Variants in RNF169 observed in about 807,000 individuals in gnomAD.
RNF169 encodes the protein E3 ubiquitin-protein ligase RNF169.
RNF169 carries 24 observed loss-of-function variants against 53.9 expected under a neutral mutation model. That is an observed-to-expected ratio of 0.45 (90% CI 0.32 to 0.63). The LOEUF (loss-of-function observed/expected upper bound fraction) is 0.63. Ranked by LOEUF, RNF169 falls within the 20% of genes least tolerant of loss-of-function variation. The probability of loss-of-function intolerance (pLI) is 0.04; values close to 1 mark genes in which losing one functional copy is unlikely to be tolerated. For missense variants in RNF169, 883 were observed against 906.2 expected (o/e 0.97, Z 0.33); for synonymous variants, 396 against 363.5 (o/e 1.09, Z -1.02).
intron 1 of RNF169, among the ~76,000 whole-genome samples, chr11:74,751,969 C>T (rs1371541212): frequency 6.6e-6 from 1 of 152,054 alleles, no homozygotes; most frequent in Non-Finnish European, 1.5e-5. Context: ...CGCGGTGGCT[C>T]ACCCCTGTAA....
At chr11:74,829,809 A>G (rs184336103) in intron 4 of RNF169, among the ~76,000 whole-genome samples, 113 of 152,224 alleles carry the variant, frequency 7.4e-4, no homozygotes, top group Non-Finnish European at 1.3e-3. Flanking sequence ...ACTCATGGAC[A>G]CATGTGGGGA....
At chr11:74,835,171 G>A (rs2036234781) in intron 5 of RNF169, among the ~76,000 whole-genome samples, 1 of 152,104 alleles carries the variant, frequency 6.6e-6, no homozygotes, top group Non-Finnish European at 1.5e-5. Flanking sequence ...TTTTTGTAGA[G>A]ATGGGATCTT....
At chr11:74,801,433 G>A (rs1029609587) in intron 2 of RNF169, among the ~76,000 whole-genome samples, 1 of 152,134 alleles carries the variant, frequency 6.6e-6, no homozygotes, top group Non-Finnish European at 1.5e-5. Flanking sequence ...AGCATCAATT[G>A]CTCTAGATAC....
intron 1 of RNF169, 125 bp downstream of exon 1, chr11:74,749,507 G>T (rs1368087643): frequency 2.6e-4 from 212 of 818,446 alleles, no homozygotes; most frequent in Non-Finnish European, 3.1e-4. Flanking sequence ...CGTGGGATTA[G>T]AACCCGGGCT....
intron 2 of RNF169, among the ~76,000 whole-genome samples, chr11:74,790,089 T>C (rs1036427918): frequency 3.9e-5 from 6 of 152,224 alleles, no homozygotes; most frequent in African/African-American, 1.4e-4. Flanking sequence ...CTCACTCCAT[T>C]AAATACTCCA....
At chr11:74,760,466 C>A (rs2035063631) in intron 1 of RNF169, among the ~76,000 whole-genome samples, 1 of 152,104 alleles carries the variant, frequency 6.6e-6, no homozygotes, top group Non-Finnish European at 1.5e-5. Flanking sequence ...AAATTTCCCT[C>A]TACAAACTGC....
At chr11:74,751,468 T>G (rs2135298384) in intron 1 of RNF169, among the ~76,000 whole-genome samples, 1 of 152,334 alleles carries the variant, frequency 6.6e-6, no homozygotes, top group African/African-American at 2.4e-5. Context: ...AGGATAGAAA[T>G]TTTCATTTTG....
At chr11:74,816,898 G>GA (rs2135126564) in intron 3 of RNF169, among the ~76,000 whole-genome samples, 1 of 152,308 alleles carries the variant, frequency 6.6e-6, no homozygotes, top group South Asian at 2.1e-4. Context: ...TTAAGCAGGG[G>GA]AGTGATTGCT....
At chr11:74,818,719 A>G (rs1427796983) in intron 4 of RNF169, among the ~76,000 whole-genome samples, 1 of 151,974 alleles carries the variant, frequency 6.6e-6, no homozygotes, top group Non-Finnish European at 1.5e-5. Context: ...ACCCCAGTTC[A>G]TTTCCTGTTT....
chr11:74,768,746 A>G (rs562436515), intron 1 of RNF169, among the ~76,000 whole-genome samples: 93 of 152,054 alleles, frequency 6.1e-4, no homozygotes, highest in African/African-American at 2.2e-3. Flanking sequence ...ATTTGACCAC[A>G]TTAAAGTTAA....
intron 4 of RNF169, 97 bp from the exon 5 acceptor site, chr11:74,834,579 G>C (rs2036225437): frequency 1.5e-6 from 1 of 672,852 alleles, no homozygotes; most frequent in African/African-American, 1.8e-5. Context: ...TTCTTTCCTG[G>C]TGAGTGGCTT....
chr11:74,840,367 AT>A lies in RNF169; in HGVS notation c.*3641del, dbSNP rs1207656011. 2.0e-5 allele frequency: 3 copies of A among 152,212 alleles called. No homozygotes were observed. Among genetic ancestry groups the A allele is most frequent in the African/African-American group, 7.2e-5 (3 of 41,458 alleles). The allele number at this position is 152,212 out of a possible 1,614,324, so 9.4% of individuals were successfully genotyped here. On this transcript the variant is annotated 3_prime_UTR_variant, in exon 6 of 6. Transcript: ENST00000299563. Reference sequence around the variant, plus strand: ...CAGCACCCAGCAAGCTGCATTCTACATTTTAGAGACCCCATTGGTATTTGTG... The same window carrying A: ...CAGCACCCAGCAAGCTGCATTCTACATTTAGAGACCCCATTGGTATTTGTG...
At position 74,817,600 on chromosome 11, in the gene RNF169, C is replaced by T. The variant is rs1187107680; in HGVS notation, c.728C>T (p.Pro243Leu). Reference sequence around the variant, plus strand: ...TCTCCCTTGTCTCCCTGCCAGTGTCCTGCACGTCTCTCAGATTCAGAGAAT... The same window carrying T: ...TCTCCCTTGTCTCCCTGCCAGTGTCTTGCACGTCTCTCAGATTCAGAGAAT... ...LVLKTNLERC[P>L]ARLSDSENEE... The change falls in exon 4 of 6, where the codon CCT (proline) becomes CTT (leucine). Residue 243 changes from proline (P) to leucine (L), a missense_variant. Pro to Leu is a moderately conservative substitution (Grantham distance 98). This residue lies in a region of RNF169 where 219 missense variants were observed against 289.1 expected (regional missense o/e 0.76). Coordinates refer to ENST00000299563, the MANE Select transcript of RNF169 (RefSeq NM_001098638.2). The T allele has an allele frequency of 6.2e-7, 1 of 1,606,022 alleles. No homozygotes were observed. The highest frequency in any genetic ancestry group is 1.1e-5 in the South Asian group (1 of 90,934).
At position 74,836,406 on chromosome 11, in the gene RNF169, G is replaced by A. The variant is rs745398654; in HGVS notation, c.1803G>A (p.Leu601=). The change falls in exon 6 of 6, where the codon CTG becomes CTA. Residue 601 remains leucine, a synonymous_variant. Transcript: ENST00000299563. ...TGAAGACATTAAATCATTTTGATCTGACTAATGGTGTTCTAGTTGAGAGCC... is the reference window on the plus strand; with the variant it reads ...TGAAGACATTAAATCATTTTGATCTAACTAATGGTGTTCTAGTTGAGAGCC... The part of the protein sequence containing the change: ...QQLKTLNHFD[L]TNGVLVESLS... 2 of 1,614,182 alleles carry A rather than the reference G, an allele frequency of 1.2e-6. No homozygotes were observed. The highest frequency in any genetic ancestry group is 1.7e-6 in the Non-Finnish European group (2 of 1,180,032).
chr11:74,770,065 TACAGGTGTGAGCC>T (rs2035237356), intron 1 of RNF169, among the ~76,000 whole-genome samples: 1 of 152,236 alleles, frequency 6.6e-6, no homozygotes, highest in Non-Finnish European at 1.5e-5. Context: ...GTGCTGGGAT[TACAGGTGTGAGCC>T]ACCATACCTG....
chr11:74,772,474 T>G (rs1268901165), intron 1 of RNF169, among the ~76,000 whole-genome samples: 54 of 320 alleles, frequency 0.17, no homozygotes, highest in Non-Finnish European at 0.25. Context: ...GGATGCTGGT[T>G]TTTTTTTTTT....
At chr11:74,752,091 G>A (rs2034904263) in intron 1 of RNF169, among the ~76,000 whole-genome samples, 1 of 151,760 alleles carries the variant, frequency 6.6e-6, no homozygotes, top group Non-Finnish European at 1.5e-5. Context: ...AATTAGCTGG[G>A]CATGGTGGTG....
intron 1 of RNF169, among the ~76,000 whole-genome samples, chr11:74,782,811 G>A (rs1402706935): frequency 6.6e-6 from 1 of 151,454 alleles, no homozygotes; most frequent in Non-Finnish European, 1.5e-5. Flanking sequence ...CAGTTTACAA[G>A]CTTTTGAATT....
intron 2 of RNF169, among the ~76,000 whole-genome samples, chr11:74,794,913 C>T (rs1307808329): frequency 6.6e-6 from 1 of 152,110 alleles, no homozygotes; most frequent in African/African-American, 2.4e-5. Context: ...GATCCACTTG[C>T]CTCAGCTTCC....
Sources: allele counts gnomAD v4.1 joint callset (sites outside exome capture counted in the v4.1 genomes callset), GRCh38; gene constraint gnomAD v4.1.1; regional missense constraint gnomAD v4.1.1; transcripts MANE v1.5; gene names NCBI Gene and HGNC (gene_info 2026-07-23, HGNC 2026-07-21).